Variants in PCDHA4 observed in about 807,000 individuals in gnomAD.
PCDHA4 encodes protocadherin alpha 4, also known as protocadherin alpha-4.
PCDHA4 carries 49 observed loss-of-function variants against 61.4 expected under a neutral mutation model. The ratio of observed to expected loss-of-function variants is 0.80; its 90% CI spans 0.63 to 1.01. The LOEUF is 1.01. Ranked by LOEUF, PCDHA4 falls within the 50% of genes least tolerant of loss-of-function variation. The probability of loss-of-function intolerance (pLI) is 0.00; values close to 1 mark genes in which losing one functional copy is unlikely to be tolerated. For missense variants in PCDHA4, 1,254 were observed against 1,235.8 expected, an observed-to-expected ratio of 1.01 and a Z score of -0.22; for synonymous variants, 590 against 550.3, an observed-to-expected ratio of 1.07 and a Z score of -1.01.
chr5:140,972,359 A>T (rs1466504264), intron 1 of PCDHA4, among the ~76,000 whole-genome samples: 3 of 151,418 alleles, frequency 2.0e-5, no homozygotes, highest in Non-Finnish European at 4.4e-5. Flanking sequence ...TATGTTGCAC[A>T]TGCTGTTAGT....
At chr5:140,910,891 C>T (rs1273456408) in intron 1 of PCDHA4, among the ~76,000 whole-genome samples, 1 of 152,176 alleles carries the variant, frequency 6.6e-6, no homozygotes, top group Admixed American at 6.5e-5. Context: ...ATATCCATTC[C>T]TATGCCTGTC....
intron 1 of PCDHA4, chr5:140,928,706 A>T: frequency 6.2e-7 from 1 of 1,613,858 alleles, no homozygotes; most frequent in Non-Finnish European, 8.5e-7. Flanking sequence ...CGGGCGTCTG[A>T]CTCTAGTCTC....
Position 140,918,319 on chromosome 5 carries a change from A to T in PCDHA4, c.2386-60630A>T, listed in dbSNP as rs568659309. Among the ~76,000 whole-genome samples, 8 of 152,266 alleles carry T rather than the reference A, an allele frequency of 5.3e-5. No individual in the cohort carries two copies. In the South Asian group the frequency reaches 1.7e-3, roughly 32 times the overall value. ...GAATATAGGGTTTTCTAGGTATAAAATTATATTGTCTGCTAAGAGAGATAG... is the reference window on the plus strand; with the variant it reads ...GAATATAGGGTTTTCTAGGTATAAATTTATATTGTCTGCTAAGAGAGATAG... On this transcript the variant is annotated intron_variant, in intron 1 of 3. Coordinates refer to ENST00000530339, the MANE Select transcript of PCDHA4 (RefSeq NM_018907.4).
intron 1 of PCDHA4, chr5:140,875,770 G>A: frequency 1.2e-6 from 2 of 1,614,230 alleles, no homozygotes; most frequent in East Asian, 2.2e-5. Flanking sequence ...CGGGCGGAGC[G>A]CGGAGTGCAG....
intron 1 of PCDHA4, among the ~76,000 whole-genome samples, chr5:140,832,012 G>A (rs2150199048): frequency 7.9e-5 from 12 of 152,234 alleles, no homozygotes; most frequent in Admixed American, 1.3e-4. Context: ...TTCATTTTAC[G>A]TAAAGATTGA....
chr5:140,870,524 T>C (rs1554164360), intron 1 of PCDHA4: 35 of 1,614,076 alleles, frequency 2.2e-5, no homozygotes, highest in Non-Finnish European at 2.8e-5. Context: ...TGCCACATCT[T>C]CACAGTGTCG....
intron 1 of PCDHA4, among the ~76,000 whole-genome samples, chr5:140,938,975 C>T (rs1249900927): frequency 6.6e-6 from 1 of 152,188 alleles, no homozygotes; most frequent in African/African-American, 2.4e-5. Flanking sequence ...GGCATCAAGG[C>T]TATCCTGGCT....
intron 1 of PCDHA4, chr5:140,857,530 G>T (rs1554150174): frequency 2.5e-6 from 4 of 1,597,696 alleles, no homozygotes; most frequent in Non-Finnish European, 3.4e-6. Flanking sequence ...ACTCTCTGGT[G>T]GAGCGGCGGT....
At chr5:141,005,479 G>A (rs371636060) in intron 3 of PCDHA4, among the ~76,000 whole-genome samples, 43 of 151,818 alleles carry the variant, frequency 2.8e-4, no homozygotes, top group Non-Finnish European at 2.6e-4. Context: ...CGAGACGGGC[G>A]GATCATGAGG....
chr5:140,884,120 G>C, intron 1 of PCDHA4: 2 of 1,613,324 alleles, frequency 1.2e-6, no homozygotes, highest in South Asian at 2.2e-5. Flanking sequence ...GGCGGTCGGC[G>C]CGCGCATCCC....
chr5:140,975,396 A>G (rs1366048936), intron 1 of PCDHA4, among the ~76,000 whole-genome samples: 2 of 152,248 alleles, frequency 1.3e-5, no homozygotes, highest in African/African-American at 4.8e-5. Flanking sequence ...GATCCATCAC[A>G]ATCACAGTCT....
chr5:140,915,281 C>T (rs1554196839), intron 1 of PCDHA4, among the ~76,000 whole-genome samples: 2 of 152,090 alleles, frequency 1.3e-5, no homozygotes, highest in Non-Finnish European at 2.9e-5. Flanking sequence ...TCATCATTTA[C>T]TCTTTCTACT....
At chr5:140,843,126 G>A (rs2150353418) in intron 1 of PCDHA4, 7 of 1,595,940 alleles carry the variant, frequency 4.4e-6, no homozygotes. Context: ...GCCGACTCGG[G>A]CTACAACGCG....
In PCDHA4 at chr5:140,829,912, T is replaced by C. The variant is rs145708741; in HGVS notation, c.2385+20340T>C. ...CCGACTCAGGCTACAACGCGTGGCT[T>C]TCGTATGAGCTGCAGCCCCCGGCAA... On this transcript the variant is annotated intron_variant, in intron 1 of 3. Coordinates refer to ENST00000530339, the MANE Select transcript of PCDHA4 (RefSeq NM_018907.4). 24 of 1,613,880 alleles carry C rather than the reference T, an allele frequency of 1.5e-5. No individual in the cohort carries two copies. In the African/African-American group the frequency reaches 3.1e-4, roughly 21 times the overall value.
At chr5:140,919,925 G>A (rs2079351459) in intron 1 of PCDHA4, among the ~76,000 whole-genome samples, 1 of 152,124 alleles carries the variant, frequency 6.6e-6, no homozygotes, top group African/African-American at 2.4e-5. Flanking sequence ...AAATTTTCAG[G>A]TGGGGGCTAA....
At chr5:140,902,437 T>A (rs2069464443) in intron 1 of PCDHA4, among the ~76,000 whole-genome samples, 3 of 152,154 alleles carry the variant, frequency 2.0e-5, no homozygotes, top group Admixed American at 2.0e-4. Context: ...GGCATCCTTG[T>A]CATATTCTAG....
At position 140,928,057 on chromosome 5, in the gene PCDHA4, G is replaced by T. The variant is rs150006101; in HGVS notation, c.2386-50892G>T. 1.4e-4 allele frequency: 234 copies of T among 1,614,060 alleles called. No individual in the cohort carries two copies. Among genetic ancestry groups the T allele is most frequent in the Non-Finnish European group, 1.9e-4 (219 of 1,180,052 alleles). On this transcript the variant is annotated intron_variant, in intron 1 of 3. Transcript: ENST00000530339. ...TAGTGCAGGCCCTTTTCAGCTGACG[G>T]CTTCCTTTGACAACTACTACAGCCT...
chr5:140,927,045 C>G, intron 1 of PCDHA4: 1 of 1,612,254 alleles, frequency 6.2e-7, no homozygotes, highest in Non-Finnish European at 8.5e-7. Context: ...CCGCTATGTC[C>G]TCGCGGAACT....
chr5:140,980,575 A>C (rs901433332), intron 2 of PCDHA4, among the ~76,000 whole-genome samples: 3 of 152,296 alleles, frequency 2.0e-5, no homozygotes, highest in Admixed American at 1.3e-4. Context: ...AGTTGCAGTG[A>C]GCCAAGATCG....
Sources: allele counts gnomAD v4.1 joint callset (sites outside exome capture counted in the v4.1 genomes callset), GRCh38; gene constraint gnomAD v4.1.1; transcripts MANE v1.5; gene names NCBI Gene and HGNC (gene_info 2026-07-23, HGNC 2026-07-21).